The following PDE9A variants were observed in gnomAD, a reference collection of about 807,000 sequenced individuals.
PDE9A encodes phosphodiesterase 9A, also known as high affinity cGMP-specific 3',5'-cyclic phosphodiesterase 9A.
A neutral mutation model predicts 87.4 loss-of-function variants in PDE9A; 60 were observed. That is an observed-to-expected ratio of 0.69 (90% CI 0.56 to 0.85). The LOEUF is 0.85. Ranked by LOEUF, PDE9A falls within the 40% of genes least tolerant of loss-of-function variation. PDE9A has a pLI of 0.00. For synonymous variants in PDE9A, 272 were observed against 279.4 expected (o/e 0.97, Z 0.27); for missense variants, 665 against 779.0 (o/e 0.85, Z 1.74).
In PDE9A at chr21:42,705,108, G is replaced by A. The variant is rs1275359987; in HGVS notation, c.262+6097G>A. ...GCACAGCCTCGTTCTCCAGCGTAGA[G>A]TAGAAGGAATGGCCCCGTCCACGCG... On this transcript the variant is annotated intron_variant, in intron 4 of 19. Coordinates refer to ENST00000291539, the MANE Select transcript of PDE9A (RefSeq NM_002606.3). This position sits in a 1 kb window ranked among gnomAD's most constrained non-coding sequence, Gnocchi z 4.3. Among the ~76,000 whole-genome samples, 1 of 152,174 alleles carries A rather than the reference G, an allele frequency of 6.6e-6. No individual in the cohort carries two copies. Among genetic ancestry groups the A allele is most frequent in the African/African-American group, 2.4e-5 (1 of 41,444 alleles).
chr21:42,726,603 TATA>T (rs2051076071), intron 4 of PDE9A, among the ~76,000 whole-genome samples: 1 of 14,840 alleles, frequency 6.7e-5, no homozygotes, highest in African/African-American at 4.3e-4. Context: ...CATATATATA[TATA>T]TATATATATA....
At chr21:42,755,701 G>A (rs1289109337) in intron 10 of PDE9A, among the ~76,000 whole-genome samples, 1 of 152,184 alleles carries the variant, frequency 6.6e-6, no homozygotes, top group African/African-American at 2.4e-5. Context: ...CTGAGATTGG[G>A]CAGAGCAAGT....
chr21:42,722,143 T>A lies in PDE9A; in HGVS notation c.263-9627T>A, dbSNP rs921238884. Among the ~76,000 whole-genome samples the A allele has an allele frequency of 6.6e-5, 10 of 151,880 alleles. No homozygotes were observed. Among genetic ancestry groups the A allele is most frequent in the African/African-American group, 2.4e-4 (10 of 41,344 alleles). ...GGCACGTACCACCATGCCCAGCTAA[T>A]TTTTTTGTATTTTTAGTAGAGACGG... On this transcript the variant is annotated intron_variant, in intron 4 of 19. Transcript: ENST00000291539. The surrounding 1 kb of genome is among the most constrained non-coding windows in gnomAD (Gnocchi z 4.1).
rs1330500958 is a variant in PDE9A at position 42,760,335 on chromosome 21, T to A, written c.905T>A (p.Val302Asp). The A allele has an allele frequency of 6.2e-7, 1 of 1,603,662 alleles. No homozygotes were observed. The highest frequency in any genetic ancestry group is 2.2e-5 in the East Asian group (1 of 44,854). ...ACCCCCTGCCTCCCGCAGTTCTGCG[T>A]CCACGACAACTACAGAAACAACCCC... ...PVTLRRWLFCVHDNYRNNPFH... is the reference protein window; with the variant it reads ...PVTLRRWLFCDHDNYRNNPFH... The change falls in exon 12 of 20, where the codon GTC (valine) becomes GAC (aspartate). Residue 302 changes from valine (V) to aspartate (D), a missense_variant. Coordinates refer to ENST00000291539, the MANE Select transcript of PDE9A (RefSeq NM_002606.3). This position sits in a 1 kb window ranked among gnomAD's most constrained non-coding sequence, Gnocchi z 5.2.
At chr21:42,763,311 AG>A (rs1237189939) in intron 14 of PDE9A, among the ~76,000 whole-genome samples, 2 of 152,210 alleles carry the variant, frequency 1.3e-5, no homozygotes, top group African/African-American at 4.8e-5. Context: ...GTACTTGTTA[AG>A]ATTTCCAGAT....
At chr21:42,731,138 A>C (rs2051689031) in intron 4 of PDE9A, among the ~76,000 whole-genome samples, 1 of 152,110 alleles carries the variant, frequency 6.6e-6, no homozygotes, top group African/African-American at 2.4e-5. Context: ...TGTATTTTTT[A>C]GTAGAGACGG....
chr21:42,681,681 A>T (rs1384220931), intron 1 of PDE9A, among the ~76,000 whole-genome samples: 1 of 152,188 alleles, frequency 6.6e-6, no homozygotes, highest in Non-Finnish European at 1.5e-5. Flanking sequence ...ATATCACAGC[A>T]CTGCCAGTCA....
intron 16 of PDE9A, 77 bp from the exon 17 acceptor site, chr21:42,768,950 T>C: frequency 6.6e-7 from 1 of 1,523,410 alleles, no homozygotes; most frequent in Non-Finnish European, 8.8e-7. Context: ...TGGCGCATCT[T>C]GTCTTTCTCT....
chr21:42,730,828 T>C lies in PDE9A; in HGVS notation c.263-942T>C, dbSNP rs549241512. On this transcript the variant is annotated intron_variant, in intron 4 of 19. Transcript: ENST00000291539. ...AAATAACACTGTGATGAATATCTTTTGTGTACATGCATGATGATTTCCTAG... is the reference window on the plus strand; with the variant it reads ...AAATAACACTGTGATGAATATCTTTCGTGTACATGCATGATGATTTCCTAG... 2.6e-5 allele frequency among the ~76,000 whole-genome samples: 4 copies of C among 152,382 alleles called. No homozygotes were observed. The South Asian group carries it at 8.3e-4, about 32-fold the overall frequency.
At chr21:42,755,486 G>T (rs2269160) in intron 10 of PDE9A, among the ~76,000 whole-genome samples, 58,551 of 152,122 alleles carry the variant, frequency 0.38, 13,143 homozygotes, top group South Asian at 0.64. Context: ...CCGCCACGTG[G>T]CAACTTGCTC....
At chr21:42,736,189 G>A (rs1041749239) in intron 7 of PDE9A, among the ~76,000 whole-genome samples, 2 of 152,260 alleles carry the variant, frequency 1.3e-5, no homozygotes, top group South Asian at 2.1e-4. Flanking sequence ...AGTGCAAACA[G>A]GCAAGTTGAA....
At chr21:42,740,754 AG>A (rs1385664518) in intron 7 of PDE9A, among the ~76,000 whole-genome samples, 31 of 98,526 alleles carry the variant, frequency 3.1e-4, no homozygotes, top group African/African-American at 9.6e-4. Context: ...ATAGATAAAC[AG>A]GATAGATAGA....
chr21:42,663,075 C>T (rs1316737159), intron 1 of PDE9A, among the ~76,000 whole-genome samples: 1 of 147,570 alleles, frequency 6.8e-6, no homozygotes, highest in Non-Finnish European at 1.5e-5. Context: ...TACACACATG[C>T]ACATCACACA....
chr21:42,706,003 G>C (rs533138219), intron 4 of PDE9A, among the ~76,000 whole-genome samples: 204 of 152,368 alleles, frequency 1.3e-3, no homozygotes, highest in Middle Eastern at 0.01. Flanking sequence ...GCCATAAGGA[G>C]GCGCATCCGC....
intron 1 of PDE9A, among the ~76,000 whole-genome samples, chr21:42,668,977 C>T (rs917173151): frequency 4.0e-5 from 6 of 151,210 alleles, no homozygotes; most frequent in Non-Finnish European, 7.4e-5. Context: ...CGTGTCTCCC[C>T]TCGTTAATGC....
At chr21:42,708,845 T>C (rs2049054772) in intron 4 of PDE9A, among the ~76,000 whole-genome samples, 1 of 152,306 alleles carries the variant, frequency 6.6e-6, no homozygotes, top group Middle Eastern at 3.4e-3. Context: ...CATGAGCCAC[T>C]GTGCCCAGCC....
rs1463874211 is a variant in PDE9A, at chr21:42,687,976, T to C, written c.200T>C (p.Met67Thr). Residue 67 changes from methionine to threonine, a missense_variant, in exon 3 of 20, where the codon ATG becomes ACG. Physicochemically the swap from Met to Thr is moderately conservative, Grantham distance 81. Transcript: ENST00000291539. ...DDAMVSIDPT[M>T]PANSERTPYK... ...GCCATGGTCTCCATCGACCCCACCATGCCCGCGAATTCAGAACGGTAAGAG... is the reference window on the plus strand; with the variant it reads ...GCCATGGTCTCCATCGACCCCACCACGCCCGCGAATTCAGAACGGTAAGAG... 4 of 1,612,986 alleles carry C rather than the reference T, an allele frequency of 2.5e-6. No homozygotes were observed. The highest frequency in any genetic ancestry group is 3.4e-6 in the Non-Finnish European group (4 of 1,179,942).
At chr21:42,756,503 G>C (rs2055059428) in intron 10 of PDE9A, among the ~76,000 whole-genome samples, 1 of 152,232 alleles carries the variant, frequency 6.6e-6, no homozygotes, top group African/African-American at 2.4e-5. Context: ...AAACCAGACA[G>C]AGGACATGAC....
intron 6 of PDE9A, 143 bp from the exon 7 acceptor site, chr21:42,733,213 G>A (rs1046423722): frequency 2.9e-5 from 18 of 623,608 alleles, no homozygotes; most frequent in East Asian, 8.2e-5. Flanking sequence ...GTCCTAGCAT[G>A]TTGGCACCTC....
Sources: gnomAD v4.1 joint callset for allele counts (sites outside exome capture counted in the v4.1 genomes callset) on GRCh38, gnomAD v4.1.1 for gene constraint, Gnocchi (gnomAD v3.1) non-coding constraint, MANE v1.5 for transcripts, NCBI Gene and HGNC (gene_info 2026-07-23, HGNC 2026-07-21) for gene names.